HEYL: variants seen among roughly 807,000 people sequenced by gnomAD.
HEYL encodes hairy/enhancer-of-split related with YRPW motif-like protein.
HEYL carries 12 observed loss-of-function variants against 18.6 expected under a neutral mutation model. The ratio of observed to expected loss-of-function variants is 0.65; its 90% CI spans 0.41 to 1.05. HEYL has a LOEUF of 1.05. Ranked by LOEUF, HEYL falls within the 50% of genes least tolerant of loss-of-function variation. The pLI, the probability that HEYL is intolerant of heterozygous loss-of-function variation, is 0.00. For missense variants in HEYL, 420 were observed against 444.7 expected, an observed-to-expected ratio of 0.94 and a Z score of 0.50; for synonymous variants, 159 against 179.6, an observed-to-expected ratio of 0.89 and a Z score of 0.91.
intron 4 of HEYL, among the ~76,000 whole-genome samples, chr1:39,627,654 G>T (rs1313143040): frequency 2.0e-5 from 3 of 152,300 alleles, no homozygotes. Flanking sequence ...AGTGAAGTGT[G>T]AGGTCGTCGG....
Position 39,626,298 on chromosome 1 carries a change from G to C in HEYL, c.*209C>G. 1 of 560,528 alleles carries C rather than the reference G, an allele frequency of 1.8e-6. No individual in the cohort carries two copies. Among genetic ancestry groups the C allele is most frequent in the East Asian group, 3.1e-5 (1 of 32,260 alleles). 34.7% of individuals were successfully genotyped at this position (560,528 alleles called of 1,614,324 possible). On this transcript the variant is annotated 3_prime_UTR_variant, in exon 5 of 5. Coordinates refer to ENST00000372852, the MANE Select transcript of HEYL (RefSeq NM_014571.4). Reference sequence around the variant, plus strand: ...AAATGGAACCAAGCCTCTGAGACCAGAACAGCTCCAGGAGAGCTGGGTGGA... The same window carrying C: ...AAATGGAACCAAGCCTCTGAGACCACAACAGCTCCAGGAGAGCTGGGTGGA...
chr1:39,638,046 G>A (rs784624), intron 1 of HEYL, among the ~76,000 whole-genome samples: 1,670 of 152,328 alleles, frequency 0.011, 36 homozygotes, highest in African/African-American at 0.037. Flanking sequence ...ACGTGGTGCT[G>A]TGCCCTTTCC....
rs1557735532 is a variant in HEYL at position 39,625,202 on chromosome 1, A to G, written c.*1305T>C. The G allele has an allele frequency of 6.6e-6, 1 of 152,302 alleles. No homozygotes were observed. The highest frequency in any genetic ancestry group is 2.4e-5 in the African/African-American group (1 of 41,468). The allele number at this position is 152,302 out of a possible 1,614,324, so 9.4% of individuals were successfully genotyped here. A position where few individuals can be genotyped will look rare whatever the true frequency, so the allele number is the denominator to read the frequency against. On this transcript the variant is annotated 3_prime_UTR_variant, in exon 5 of 5. Transcript: ENST00000372852. ...GGGGAGTAGATATTTACCAACGAGT[A>G]CAGAAGGGTTTCTGCATTTTATCAA...
chr1:39,627,538 T>C (rs1019179137), intron 4 of HEYL, among the ~76,000 whole-genome samples: 4 of 152,170 alleles, frequency 2.6e-5, no homozygotes, highest in African/African-American at 4.8e-5. Context: ...CACTTGGAGG[T>C]GTAGAACAAC....
rs1646304886 is a variant in HEYL at position 39,627,093 on chromosome 1, A to AC, written c.400dup (p.Val134GlyfsTer3). ...TGCACGGCTGCTGGGCCCTTCAAGG[A>AC]CCCCCAGGTACCTGATGACCTCAGT... On this transcript the variant is annotated frameshift_variant, in exon 5 of 5. Coordinates refer to ENST00000372852, the MANE Select transcript of HEYL (RefSeq NM_014571.4). LOFTEE classifies it low-confidence loss of function (END_TRUNC). 6.2e-7 allele frequency: 1 copy of AC among 1,613,818 alleles called. No homozygotes were observed. Among genetic ancestry groups the AC allele is most frequent in the Admixed American group, 1.7e-5 (1 of 59,980 alleles).
chr1:39,633,147 G>A, intron 1 of HEYL: 3 of 981,584 alleles, frequency 3.1e-6, no homozygotes, highest in Non-Finnish European at 3.6e-6. Context: ...CACGGGCCGG[G>A]CGCGCCGGCC....
chr1:39,633,194 C>A (rs1646344665), intron 1 of HEYL: 1 of 858,750 alleles, frequency 1.2e-6, no homozygotes. Context: ...GCCGCCTCCT[C>A]CCACGCGGTG....
intron 1 of HEYL, among the ~76,000 whole-genome samples, chr1:39,639,057 T>G (rs191291405): frequency 2.6e-5 from 4 of 152,254 alleles, no homozygotes; most frequent in Admixed American, 2.6e-4. Context: ...TCCAATTTGC[T>G]CAAAGGAGGA....
Position 39,631,486 on chromosome 1 carries a change from T to C in HEYL, c.231+10A>G, listed in dbSNP as rs764225869. 1 of 1,612,910 alleles carries C rather than the reference T, an allele frequency of 6.2e-7. No homozygotes were observed. Among genetic ancestry groups the C allele is most frequent in the Non-Finnish European group, 8.5e-7 (1 of 1,178,830 alleles). On this transcript the variant is annotated intron_variant, in intron 3 of 4. Transcript: ENST00000372852. ...GTATTTCCTCTAGCACAATCAGCAA[T>C]GTCACATACCTGTTTCTCAAAGGCA...
At chr1:39,634,770 A>G (rs1161408453) in intron 1 of HEYL, among the ~76,000 whole-genome samples, 5 of 152,244 alleles carry the variant, frequency 3.3e-5, no homozygotes, top group South Asian at 4.1e-4. Context: ...ATTGATGTCT[A>G]TCTCTCCAAC....
intron 1 of HEYL, among the ~76,000 whole-genome samples, chr1:39,635,474 G>A (rs1646357648): frequency 6.6e-6 from 1 of 152,218 alleles, no homozygotes. Context: ...GCAAAGCAGT[G>A]CTGCCATTCC....
Position 39,631,576 on chromosome 1 carries a change from T to C in HEYL, c.151A>G (p.Ile51Val), listed in dbSNP as rs898414530. 1.9e-6 allele frequency: 3 copies of C among 1,613,972 alleles called. No homozygotes were observed. The highest frequency in any genetic ancestry group is 2.7e-5 in the African/African-American group (2 of 74,946). The change falls in exon 3 of 5, where the codon ATA becomes GTA. Residue 51 changes from isoleucine to valine, a missense_variant. Physicochemically the swap from Ile to Val is conservative, Grantham distance 29 (BLOSUM62 3). Coordinates refer to ENST00000372852, the MANE Select transcript of HEYL (RefSeq NM_014571.4). ...MQARKKHRGI[I>V]EKRRRDRINS... ...ATGCGGTCTCGACGCCGTTTCTCTA[T>C]GATCTAAACAATCATGACAAGAAGT...
chr1:39,637,030 A>G (rs1646365217), intron 1 of HEYL, among the ~76,000 whole-genome samples: 1 of 152,244 alleles, frequency 6.6e-6, no homozygotes, highest in Admixed American at 6.5e-5. Context: ...AGGTTCAGAA[A>G]GGGGTAAAAG....
rs749319380 is a variant in HEYL, at chr1:39,639,574, T to C, written c.52A>G (p.Ile18Val). Residue 18 changes from isoleucine (I) to valine (V), a missense_variant, in exon 1 of 5, where the codon ATC (isoleucine) becomes GTC (valine). Ile to Val is a conservative substitution (Grantham distance 29, BLOSUM62 3). Transcript: ENST00000372852. ...SGSDGESDGP[I>V]DVGQEGQLSQ... is the part of the protein sequence containing the mutation. ...AGCTGGCCCTCTTGGCCCACGTCGA[T>C]GGGTCCGTCGGACTCCCCGTCGGAG... The C allele has an allele frequency of 2.1e-5, 33 of 1,584,806 alleles. No homozygotes were observed. The highest frequency in any genetic ancestry group is 2.1e-4 in the Admixed American group (12 of 58,298).
At chr1:39,630,441 G>C in intron 3 of HEYL, 133 bp from the exon 4 acceptor site, 1 of 758,906 alleles carries the variant, frequency 1.3e-6, no homozygotes, top group Non-Finnish European at 2.4e-6. Flanking sequence ...CTTCTGCTTT[G>C]GCCAAGTTCT....
rs1044774584 is a variant in HEYL at position 39,623,665 on chromosome 1, A to G, written c.*2842T>C. ...TGTGATAGAGGAACTCCACAAGTAA[A>G]GTAGTCGAGGAAGGCCTCTTGGACG... On this transcript the variant is annotated 3_prime_UTR_variant, in exon 5 of 5. Coordinates refer to ENST00000372852, the MANE Select transcript of HEYL (RefSeq NM_014571.4). Among the ~76,000 whole-genome samples the G allele has an allele frequency of 6.6e-6, 1 of 152,236 alleles. No individual in the cohort carries two copies. Among genetic ancestry groups the G allele is most frequent in the Non-Finnish European group, 1.5e-5 (1 of 68,034 alleles).
At chr1:39,632,868 TC>T in intron 1 of HEYL, 153 bp from the exon 2 acceptor site, 1 of 985,362 alleles carries the variant, frequency 1.0e-6, no homozygotes, top group Non-Finnish European at 1.2e-6. Flanking sequence ...CCGGGTCAAG[TC>T]CTCTCATGCA....
intron 1 of HEYL, among the ~76,000 whole-genome samples, chr1:39,636,096 T>C (rs1423042847): frequency 6.6e-6 from 1 of 152,186 alleles, no homozygotes; most frequent in Non-Finnish European, 1.5e-5. Flanking sequence ...CCTAATCATT[T>C]TGTGTCAGCC....
At chr1:39,629,199 T>G (rs1646318909) in intron 4 of HEYL, among the ~76,000 whole-genome samples, 1 of 152,206 alleles carries the variant, frequency 6.6e-6, no homozygotes, top group African/African-American at 2.4e-5. Flanking sequence ...ACAACACAAG[T>G]GAAAGCATTT....
Sources: gnomAD v4.1 joint callset for allele counts (sites outside exome capture counted in the v4.1 genomes callset) on GRCh38, gnomAD v4.1.1 for gene constraint, MANE v1.5 for transcripts, NCBI Gene and HGNC (gene_info 2026-07-23, HGNC 2026-07-21) for gene names.